Variants in GSE1 observed in about 807,000 individuals in gnomAD.
GSE1 encodes the protein Gse1 coiled-coil protein.
In GSE1, 32 loss-of-function variants were observed where a neutral mutation model predicts 112.6. The ratio of observed to expected loss-of-function variants is 0.28; its 90% CI spans 0.21 to 0.38. GSE1 has a LOEUF of 0.38. GSE1 is among the 10% of genes least tolerant of loss of function. GSE1 has a pLI of 1.00. For missense variants in GSE1, 2,348 were observed against 1,699.2 expected (o/e 1.38, Z -6.71); for synonymous variants, 1,115 against 735.6 (o/e 1.52, Z -8.35).
intron 2 of GSE1, among the ~76,000 whole-genome samples, chr16:85,528,540 T>A (rs1000392707): frequency 2.0e-5 from 3 of 151,860 alleles, no homozygotes; most frequent in Admixed American, 1.3e-4. Context: ...CCAGAGCTGG[T>A]CTCAAAACTC....
At chr16:85,530,296 A>G (rs1414112634) in intron 2 of GSE1, among the ~76,000 whole-genome samples, 2 of 152,238 alleles carry the variant, frequency 1.3e-5, no homozygotes, top group Admixed American at 6.5e-5. Flanking sequence ...TAAGATCAGA[A>G]AGGAATTATG....
chr16:85,565,878 T>C (rs1210088228), intron 1 of GSE1, among the ~76,000 whole-genome samples: 1 of 152,156 alleles, frequency 6.6e-6, no homozygotes, highest in Non-Finnish European at 1.5e-5. Flanking sequence ...CCGGGTGTCC[T>C]TGCCAGTCTT....
At chr16:85,513,923 G>A (rs1440703752) in intron 2 of GSE1, among the ~76,000 whole-genome samples, 4 of 152,140 alleles carry the variant, frequency 2.6e-5, no homozygotes, top group Admixed American at 2.6e-4. Flanking sequence ...AGGGCCCCGG[G>A]ATCTGCATCT....
At chr16:85,318,804 G>T (rs1396353713) in intron 1 of GSE1, among the ~76,000 whole-genome samples, 1 of 152,160 alleles carries the variant, frequency 6.6e-6, no homozygotes, top group Non-Finnish European at 1.5e-5. Flanking sequence ...AGGTAGTGTC[G>T]CAGGAGACAC....
At chr16:85,670,876 G>A (rs1041574272) in intron 14 of GSE1, 119 bp from the exon 15 acceptor site, 11 of 664,380 alleles carry the variant, frequency 1.7e-5, no homozygotes, top group African/African-American at 5.4e-5. Context: ...AGAGGCCTTC[G>A]CTGGCTGCAC....
intron 1 of GSE1, among the ~76,000 whole-genome samples, chr16:85,556,821 G>A (rs1416338144): frequency 6.9e-6 from 1 of 145,394 alleles, no homozygotes; most frequent in Admixed American, 6.8e-5. Context: ...GTCTCGGCGC[G>A]AGCGTGGCTC....
intron 1 of GSE1, among the ~76,000 whole-genome samples, chr16:85,306,842 G>T (rs1288151333): frequency 6.6e-6 from 1 of 152,246 alleles, no homozygotes; most frequent in Admixed American, 6.5e-5. Flanking sequence ...CCGGAAAGGA[G>T]AGTGGCCTTT....
At chr16:85,435,526 G>A (rs1382759401) in intron 2 of GSE1, among the ~76,000 whole-genome samples, 3 of 152,288 alleles carry the variant, frequency 2.0e-5, no homozygotes, top group Admixed American at 2.0e-4. Flanking sequence ...CTGACTTCTG[G>A]GGCGGGTCCT....
chr16:85,284,646 C>T (rs574076501), intron 1 of GSE1, among the ~76,000 whole-genome samples: 22 of 152,202 alleles, frequency 1.4e-4, no homozygotes, highest in Non-Finnish European at 2.8e-4. Context: ...GGATATTAAA[C>T]GCCCGCTGCT....
rs1485414712 is a variant in GSE1, at chr16:85,445,240, C to T, written c.2464+87597C>T. On this transcript the variant is annotated intron_variant, in intron 2 of 2. Coordinates refer to the GSE1 transcript ENST00000637419. ...TCTCCTCTCCCGGGAGCAGCTGCCACGTGCGGTAATTAGAGGCTGACACCA... is the reference window on the plus strand; with the variant it reads ...TCTCCTCTCCCGGGAGCAGCTGCCATGTGCGGTAATTAGAGGCTGACACCA... Among the ~76,000 whole-genome samples, 5 of 152,332 alleles carry T rather than the reference C, an allele frequency of 3.3e-5. No homozygotes were observed. The East Asian group carries it at 5.8e-4, about 18-fold the overall frequency.
Position 85,512,256 on chromosome 16 carries a change from C to T in GSE1, c.2465-121658C>T, listed in dbSNP as rs377028876. Among the ~76,000 whole-genome samples the T allele has an allele frequency of 1.5e-4, 23 of 152,288 alleles. No individual in the cohort carries two copies. In the East Asian group the frequency reaches 1.5e-3, roughly 10 times the overall value. Reference sequence around the variant, plus strand: ...AAGCCTGGACCCAGGCAGTATTCACCGCAGCTGTGACCCAGAGGGAACACA... The same window carrying T: ...AAGCCTGGACCCAGGCAGTATTCACTGCAGCTGTGACCCAGAGGGAACACA... On this transcript the variant is annotated intron_variant, in intron 2 of 2. Coordinates refer to the GSE1 transcript ENST00000637419.
intron 2 of GSE1, among the ~76,000 whole-genome samples, chr16:85,480,211 T>C (rs2050628119): frequency 6.6e-6 from 1 of 152,230 alleles, no homozygotes; most frequent in African/African-American, 2.4e-5. Context: ...CTCAGGCAGT[T>C]TGGCTCCAGA....
intron 7 of GSE1, 29 bp downstream of exon 7, chr16:85,656,694 G>A (rs2051986605): frequency 1.4e-6 from 2 of 1,470,284 alleles, no homozygotes; most frequent in Non-Finnish European, 1.8e-6. Flanking sequence ...GCTGTGCTGG[G>A]CAAGGTCTCA....
chr16:85,560,518 A>G (rs998099798), intron 1 of GSE1, among the ~76,000 whole-genome samples: 1 of 151,792 alleles, frequency 6.6e-6, no homozygotes, highest in African/African-American at 2.4e-5. Flanking sequence ...GTGCTTCTTC[A>G]CTGGCCAGGG....
chr16:85,362,175 G>A (rs966680965), intron 2 of GSE1, among the ~76,000 whole-genome samples: 2 of 152,250 alleles, frequency 1.3e-5, no homozygotes, highest in African/African-American at 2.4e-5. Flanking sequence ...TTCAGCTGCC[G>A]GGAGAAGGGT....
chr16:85,658,545 C>T (rs1190003900), intron 8 of GSE1, among the ~76,000 whole-genome samples: 1 of 152,218 alleles, frequency 6.6e-6, no homozygotes. Flanking sequence ...TGCCTGCCTC[C>T]GTTATCCAGT....
At chr16:85,184,760 A>C (rs1350669490) in intron 1 of GSE1, among the ~76,000 whole-genome samples, 2 of 152,210 alleles carry the variant, frequency 1.3e-5, no homozygotes, top group African/African-American at 4.8e-5. Context: ...ACATTGGACT[A>C]TCTTAATATC....
intron 1 of GSE1, among the ~76,000 whole-genome samples, chr16:85,577,740 T>A (rs1230576161): frequency 6.6e-6 from 1 of 152,126 alleles, no homozygotes; most frequent in Non-Finnish European, 1.5e-5. Flanking sequence ...TGTTTCTTTC[T>A]ACCCTTGCCC....
chr16:85,471,288 T>C (rs543271412), intron 2 of GSE1, among the ~76,000 whole-genome samples: 2 of 152,306 alleles, frequency 1.3e-5, no homozygotes, highest in South Asian at 4.1e-4. Flanking sequence ...TGCCACCTTA[T>C]TTCATGTGAG....
Sources: allele counts gnomAD v4.1 joint callset (sites outside exome capture counted in the v4.1 genomes callset), GRCh38; gene constraint gnomAD v4.1.1; transcripts MANE v1.5; gene names NCBI Gene and HGNC (gene_info 2026-07-23, HGNC 2026-07-21).